Variants in CD59 observed in about 807,000 individuals in gnomAD.
CD59 encodes CD59 molecule (CD59 blood group), also known as CD59 glycoprotein.
A neutral mutation model predicts 7.0 loss-of-function variants in CD59; 3 were observed. That is an observed-to-expected ratio of 0.43 (90% CI 0.19 to 1.10). The LOEUF (loss-of-function observed/expected upper bound fraction) is 1.10, where lower values mean the gene tolerates loss of function less well. Among genes scored for constraint, CD59 ranks in the 50% least tolerant of loss-of-function variants. The pLI is 0.29. For synonymous variants in CD59, 60 were observed against 62.0 expected, an observed-to-expected ratio of 0.97 and a Z score of 0.15; for missense variants, 143 against 151.0, an observed-to-expected ratio of 0.95 and a Z score of 0.28.
In CD59 at chr11:33,704,097, G is replaced by A. The variant is rs1025119245; in HGVS notation, c.*6029C>T. 6.6e-6 allele frequency: 1 copy of A among 152,176 alleles called. No homozygotes were observed. The highest frequency in any genetic ancestry group is 2.4e-5 in the African/African-American group (1 of 41,388). The allele number at this position is 152,176 out of a possible 1,614,324, so 9.4% of individuals were successfully genotyped here. On this transcript the variant is annotated 3_prime_UTR_variant, in exon 4 of 4. Coordinates refer to ENST00000642928, the MANE Select transcript of CD59 (RefSeq NM_000611.6). ...CTGTCAGCCATCAGATCCTGACCAG[G>A]TGCTCAGCCTCTTTAGGGATATGTC...
Position 33,714,185 on chromosome 11 carries a change from G to A in CD59, c.169+3185C>T, listed in dbSNP as rs61888355. 9.7e-3 allele frequency among the ~76,000 whole-genome samples: 1,482 copies of A among 152,280 alleles called. 15 individuals carry two copies. Among genetic ancestry groups the A allele is most frequent in the Non-Finnish European group, 0.015 (1,054 of 68,022 alleles). On this transcript the variant is annotated intron_variant, in intron 3 of 3. Transcript: ENST00000642928. Reference sequence around the variant, plus strand: ...CCATCATATCTGTCTCTGTGCAAACGTCATAGCGTGTAGTTACACAAACTT... The same window carrying A: ...CCATCATATCTGTCTCTGTGCAAACATCATAGCGTGTAGTTACACAAACTT...
rs143513218 is a variant in CD59, at chr11:33,713,143, T to G, written c.170-2800A>C. On this transcript the variant is annotated intron_variant, in intron 3 of 3. Transcript: ENST00000642928. Reference sequence around the variant, plus strand: ...AGGCCAGAAGTATATACTCCAAGTATCTTATCACAGTTTTTTTAATATTCA... The same window carrying G: ...AGGCCAGAAGTATATACTCCAAGTAGCTTATCACAGTTTTTTTAATATTCA... 1.8e-3 allele frequency among the ~76,000 whole-genome samples: 268 copies of G among 152,280 alleles called. 3 individuals carry two copies. The highest frequency in any genetic ancestry group is 6.1e-3 in the African/African-American group (254 of 41,574).
chr11:33,732,206 G>C (rs1379321049), intron 1 of CD59, among the ~76,000 whole-genome samples: 1 of 151,744 alleles, frequency 6.6e-6, no homozygotes, highest in Non-Finnish European at 1.5e-5. Context: ...CATGAAAATG[G>C]ACTAATACAC....
chr11:33,710,288 G>A lies in CD59; in HGVS notation c.225C>T (p.Val75=). The A allele has an allele frequency of 6.2e-7, 1 of 1,614,178 alleles. No homozygotes were observed. Among genetic ancestry groups the A allele is most frequent in the Non-Finnish European group, 8.5e-7 (1 of 1,180,014 alleles). ...GCTCATTTTCCCTCAAGCGGGTTGT[G>A]ACGTCGTTGAAATTGCAATGCTCAA... ...WKFEHCNFND[V]TTRLRENELT... is the part of the protein sequence containing the mutation. Residue 75 remains valine (V), a synonymous_variant, in exon 4 of 4, where the codon GTC becomes GTT. Coordinates refer to ENST00000642928, the MANE Select transcript of CD59 (RefSeq NM_000611.6).
rs531263241 is a variant in CD59, at chr11:33,705,087, A to T, written c.*5039T>A. 6.6e-6 allele frequency: 1 copy of T among 152,290 alleles called. No homozygotes were observed. 9.4% of individuals were successfully genotyped at this position (152,290 alleles called of 1,614,324 possible). ...ATAAACCTGAGAGGTAGTTTAGTGG[A>T]ATAGGGAGTACAGAGGCCTGGAAGA... is the stretch of plus-strand genomic sequence containing the variant. On this transcript the variant is annotated 3_prime_UTR_variant, in exon 4 of 4. Coordinates refer to ENST00000642928, the MANE Select transcript of CD59 (RefSeq NM_000611.6).
At chr11:33,713,675 A>G (rs1853661398) in intron 3 of CD59, among the ~76,000 whole-genome samples, 1 of 152,254 alleles carries the variant, frequency 6.6e-6, no homozygotes. Flanking sequence ...CAGAATTTTA[A>G]TTAGGGAAGC....
At position 33,708,582 on chromosome 11, in the gene CD59, G is replaced by A; in HGVS notation, c.*1544C>T. The A allele has an allele frequency of 6.8e-6, 1 of 147,576 alleles. No homozygotes were observed. 9.1% of individuals were successfully genotyped at this position (147,576 alleles called of 1,614,324 possible). On this transcript the variant is annotated 3_prime_UTR_variant, in exon 4 of 4. Coordinates refer to ENST00000642928, the MANE Select transcript of CD59 (RefSeq NM_000611.6). ...TGCTCAGCCGGTGGCTGTGGGCATG[G>A]TCAGTACTTCCTCAGGCCAAAAAAA...
rs1318843540 is a variant in CD59 at position 33,707,174 on chromosome 11, G to C, written c.*2952C>G. ...GCTCAGCCCATCAAGAATCCCTCAG[G>C]GGGATCTGTTAGCATTAGTTCAGAT... is the stretch of plus-strand genomic sequence containing the variant. On this transcript the variant is annotated 3_prime_UTR_variant, in exon 4 of 4. Coordinates refer to ENST00000642928, the MANE Select transcript of CD59 (RefSeq NM_000611.6). The C allele has an allele frequency of 6.6e-6, 1 of 152,240 alleles. No individual in the cohort carries two copies. The allele number at this position is 152,240 out of a possible 1,614,324, so 9.4% of individuals were successfully genotyped here. A position where few individuals can be genotyped will look rare whatever the true frequency, so the allele number is the denominator to read the frequency against.
rs1460810676 is a variant in CD59 at position 33,706,727 on chromosome 11, A to G, written c.*3399T>C. ...GATGGGAAGATAGTGTTTTGATATG[A>G]TTTTCTGTTTACAGGAAGGCCTAAC... is the stretch of plus-strand genomic sequence containing the variant. On this transcript the variant is annotated 3_prime_UTR_variant, in exon 4 of 4. Transcript: ENST00000642928. The G allele has an allele frequency of 6.6e-6, 1 of 152,130 alleles. No homozygotes were observed. Among genetic ancestry groups the G allele is most frequent in the Admixed American group, 6.5e-5 (1 of 15,276 alleles). 9.4% of individuals were successfully genotyped at this position (152,130 alleles called of 1,614,324 possible).
At chr11:33,716,027 C>T (rs562218965) in intron 3 of CD59, among the ~76,000 whole-genome samples, 37 of 152,258 alleles carry the variant, frequency 2.4e-4, no homozygotes, top group Non-Finnish European at 2.9e-4. Context: ...CTTCTGTGCT[C>T]GTACATAATG....
intron 2 of CD59, 30 bp downstream of exon 2, chr11:33,722,349 A>T: frequency 6.6e-7 from 1 of 1,517,518 alleles, no homozygotes; most frequent in Non-Finnish European, 9.2e-7. Context: ...AAGGCAGCCT[A>T]GATCCATGTC....
At chr11:33,734,000 T>A (rs963323743) in intron 1 of CD59, among the ~76,000 whole-genome samples, 2 of 152,256 alleles carry the variant, frequency 1.3e-5, no homozygotes, top group Admixed American at 1.3e-4. Context: ...CAAGGCAACA[T>A]GTTAGTCGCA....
In CD59 at chr11:33,703,659, G is replaced by A. The variant is rs1853188936; in HGVS notation, c.*6467C>T. On this transcript the variant is annotated 3_prime_UTR_variant, in exon 4 of 4. Transcript: ENST00000642928. ...CTTAAGCTTACCCAGCGTGAGGCCAGGTTAGAAAGTCACAGGCCTTGGCAG... is the reference window on the plus strand; with the variant it reads ...CTTAAGCTTACCCAGCGTGAGGCCAAGTTAGAAAGTCACAGGCCTTGGCAG... The A allele has an allele frequency of 6.6e-6, 1 of 152,210 alleles. No homozygotes were observed. Among genetic ancestry groups the A allele is most frequent in the Admixed American group, 6.5e-5 (1 of 15,286 alleles). The allele number at this position is 152,210 out of a possible 1,614,324, so 9.4% of individuals were successfully genotyped here.
At chr11:33,725,646 G>A (rs1023687980) in intron 1 of CD59, among the ~76,000 whole-genome samples, 11 of 152,178 alleles carry the variant, frequency 7.2e-5, no homozygotes, top group Non-Finnish European at 1.2e-4. Context: ...CGTAATGGGA[G>A]CTCCAAGTAG....
intron 3 of CD59, among the ~76,000 whole-genome samples, chr11:33,714,164 C>T (rs1324369608): frequency 6.6e-6 from 1 of 152,204 alleles, no homozygotes; most frequent in Non-Finnish European, 1.5e-5. Flanking sequence ...ATAGCACCAT[C>T]ATATCTGTCT....
At chr11:33,722,066 C>T (rs1349308804) in intron 2 of CD59, among the ~76,000 whole-genome samples, 1 of 152,108 alleles carries the variant, frequency 6.6e-6, no homozygotes, top group Non-Finnish European at 1.5e-5. Flanking sequence ...GCACAGCACT[C>T]TAAGAATGGT....
At chr11:33,724,886 G>A (rs1024789629) in intron 1 of CD59, among the ~76,000 whole-genome samples, 6 of 151,372 alleles carry the variant, frequency 4.0e-5, no homozygotes, top group Admixed American at 3.9e-4. Flanking sequence ...AGGTCGGGCT[G>A]TTCCATCAAA....
At chr11:33,714,107 T>C (rs896166273) in intron 3 of CD59, among the ~76,000 whole-genome samples, 9 of 152,236 alleles carry the variant, frequency 5.9e-5, no homozygotes, top group Non-Finnish European at 1.0e-4. Context: ...CCAGTAAATA[T>C]TGGTTGAATT....
At position 33,703,535 on chromosome 11, in the gene CD59, A is replaced by G. The variant is rs1172314378; in HGVS notation, c.*6591T>C. Reference sequence around the variant, plus strand: ...CTGCTCCCTGGTTTCATTTGGAACCAACTGAGAGACACAAGTCCCTCTTCG... The same window carrying G: ...CTGCTCCCTGGTTTCATTTGGAACCGACTGAGAGACACAAGTCCCTCTTCG... On this transcript the variant is annotated 3_prime_UTR_variant, in exon 4 of 4. Transcript: ENST00000642928. 1 of 152,252 alleles carries G rather than the reference A, an allele frequency of 6.6e-6. No individual in the cohort carries two copies. The highest frequency in any genetic ancestry group is 1.5e-5 in the Non-Finnish European group (1 of 68,054). The allele number at this position is 152,252 out of a possible 1,614,324, so 9.4% of individuals were successfully genotyped here. A position where few individuals can be genotyped will look rare whatever the true frequency, so the allele number is the denominator to read the frequency against.
Sources: gnomAD v4.1 joint callset for allele counts (sites outside exome capture counted in the v4.1 genomes callset) on GRCh38, gnomAD v4.1.1 for gene constraint, MANE v1.5 for transcripts, NCBI Gene and HGNC (gene_info 2026-07-23, HGNC 2026-07-21) for gene names.